LUZP2: variants seen among roughly 807,000 people sequenced by gnomAD.
LUZP2 encodes the protein leucine zipper protein 2.
In LUZP2, 52 loss-of-function variants were observed where a neutral mutation model predicts 51.6. That is an observed-to-expected ratio of 1.01 (90% CI 0.81 to 1.27). The LOEUF is 1.27. LUZP2 is among the 50% of genes most tolerant of loss of function. The probability of loss-of-function intolerance (pLI) is 0.00; values close to 1 mark genes in which losing one functional copy is unlikely to be tolerated. For synonymous variants in LUZP2, 154 were observed against 137.3 expected (o/e 1.12, Z -0.85); for missense variants, 436 against 395.4 (o/e 1.10, Z -0.87).
At chr11:24,682,496 G>GA (rs528354724) in intron 1 of LUZP2, among the ~76,000 whole-genome samples, 37,058 of 115,962 alleles carry the variant, frequency 0.32, 5,526 homozygotes, top group Admixed American at 0.42. Context: ...CTCCACCTTG[G>GA]AAAAAAAAAA....
At chr11:24,556,075 C>G (rs1427509476) in intron 1 of LUZP2, among the ~76,000 whole-genome samples, 1 of 152,148 alleles carries the variant, frequency 6.6e-6, no homozygotes, top group Non-Finnish European at 1.5e-5. Context: ...GTTTTTTAGT[C>G]TCTATATGAG....
At chr11:24,565,265 T>TA (rs143377283) in intron 1 of LUZP2, among the ~76,000 whole-genome samples, 2,123 of 152,252 alleles carry the variant, frequency 0.014, 39 homozygotes, top group South Asian at 0.059. Context: ...GCAGATGCAT[T>TA]AAATAGAAGA....
intron 5 of LUZP2, among the ~76,000 whole-genome samples, chr11:24,847,958 T>C (rs1851254677): frequency 6.6e-6 from 1 of 152,162 alleles, no homozygotes; most frequent in South Asian, 2.1e-4. Flanking sequence ...TTGTTGCTAT[T>C]GTATTTAGAA....
intron 1 of LUZP2, among the ~76,000 whole-genome samples, chr11:24,598,771 C>T (rs1054840849): frequency 6.6e-6 from 1 of 152,114 alleles, no homozygotes; most frequent in Non-Finnish European, 1.5e-5. Context: ...ATCTTTATGG[C>T]AAATGGAAAG....
intron 9 of LUZP2, among the ~76,000 whole-genome samples, chr11:25,009,556 A>G (rs1047400190): frequency 1.2e-4 from 18 of 152,144 alleles, no homozygotes; most frequent in African/African-American, 4.3e-4. Flanking sequence ...ATAGCGTTTC[A>G]TTTTCTTTTA....
At chr11:24,832,497 C>G (rs1046472842) in intron 5 of LUZP2, among the ~76,000 whole-genome samples, 3 of 151,648 alleles carry the variant, frequency 2.0e-5, no homozygotes, top group African/African-American at 7.3e-5. Context: ...TTATTACATA[C>G]CAGAATGTAG....
chr11:25,030,103 T>C (rs1314074514), intron 9 of LUZP2, among the ~76,000 whole-genome samples: 4 of 152,156 alleles, frequency 2.6e-5, no homozygotes, highest in Non-Finnish European at 5.9e-5. Context: ...TTCCCAACCT[T>C]TGTGTGTTTG....
chr11:24,926,225 GTA>G (rs1304428651), intron 7 of LUZP2, among the ~76,000 whole-genome samples: 14 of 145,830 alleles, frequency 9.6e-5, no homozygotes, highest in East Asian at 4.0e-4. Context: ...ATATATACGT[GTA>G]TATATATATG....
chr11:24,879,620 G>A (rs1467617067), intron 5 of LUZP2, among the ~76,000 whole-genome samples: 9 of 152,212 alleles, frequency 5.9e-5, no homozygotes, highest in South Asian at 4.1e-4. Context: ...TCTGACTGGC[G>A]TGAGATGGTA....
chr11:25,068,350 T>C (rs552499387), intron 10 of LUZP2, among the ~76,000 whole-genome samples: 118 of 152,096 alleles, frequency 7.8e-4, no homozygotes, highest in African/African-American at 2.7e-3. Flanking sequence ...TTATGTATTT[T>C]TCTTTCAGTT....
intron 1 of LUZP2, among the ~76,000 whole-genome samples, chr11:24,652,076 T>C (rs1054673208): frequency 2.0e-5 from 3 of 148,562 alleles, no homozygotes; most frequent in Admixed American, 1.4e-4. Context: ...ATGTTGTATA[T>C]GTGTGTACAC....
At chr11:24,871,149 A>T (rs1203520027) in intron 5 of LUZP2, among the ~76,000 whole-genome samples, 1 of 152,104 alleles carries the variant, frequency 6.6e-6, no homozygotes, top group African/African-American at 2.4e-5. Flanking sequence ...CAGATTTACA[A>T]TTTTTTTAGT....
At chr11:24,923,168 G>A (rs915448480) in intron 7 of LUZP2, among the ~76,000 whole-genome samples, 3 of 151,724 alleles carry the variant, frequency 2.0e-5, no homozygotes, top group Non-Finnish European at 4.4e-5. Context: ...TATCTTAATC[G>A]AAGTATTTTG....
At chr11:24,764,192 C>G (rs1275274098) in intron 5 of LUZP2, among the ~76,000 whole-genome samples, 1 of 152,174 alleles carries the variant, frequency 6.6e-6, no homozygotes, top group Non-Finnish European at 1.5e-5. Flanking sequence ...TATATATGCA[C>G]ATGCACACGT....
chr11:25,076,199 C>T (rs184361414), intron 10 of LUZP2, among the ~76,000 whole-genome samples: 1,948 of 151,556 alleles, frequency 0.013, 30 homozygotes, highest in Admixed American at 0.023. Flanking sequence ...TGTTTTTGTT[C>T]TTGTTTTCGT....
chr11:24,820,070 C>G (rs1850310933), intron 5 of LUZP2, among the ~76,000 whole-genome samples: 1 of 152,122 alleles, frequency 6.6e-6, no homozygotes. Flanking sequence ...AGAAAAATAA[C>G]AGTCTGTATG....
At chr11:24,786,660 A>G (rs1849255379) in intron 5 of LUZP2, 1 of 150,352 alleles carries the variant, frequency 6.7e-6, no homozygotes, top group Non-Finnish European at 1.4e-5. Context: ...TAGGTATATA[A>G]TATATAAATA....
chr11:24,625,871 T>A (rs1854662672), intron 1 of LUZP2, among the ~76,000 whole-genome samples: 1 of 152,048 alleles, frequency 6.6e-6, no homozygotes, highest in Non-Finnish European at 1.5e-5. Context: ...AGTGGAAATG[T>A]GGTGACCAAC....
At chr11:24,717,289 T>A (rs1858083706) in intron 1 of LUZP2, among the ~76,000 whole-genome samples, 1 of 151,706 alleles carries the variant, frequency 6.6e-6, no homozygotes, top group Admixed American at 6.6e-5. Context: ...TAATTTTTTT[T>A]CTTATTTTAA....
Sources: gnomAD v4.1 joint callset for allele counts (sites outside exome capture counted in the v4.1 genomes callset) on GRCh38, gnomAD v4.1.1 for gene constraint, MANE v1.5 for transcripts, NCBI Gene and HGNC (gene_info 2026-07-23, HGNC 2026-07-21) for gene names.